Variants in SH3GL3 observed in about 807,000 individuals in gnomAD.
The protein encoded by SH3GL3 is SH3 domain containing GRB2 like 3, endophilin A3, also known as endophilin-A3.
Under a neutral mutation model 47.7 loss-of-function variants are expected in SH3GL3, and 33 were observed. That is an observed-to-expected ratio of 0.69 (90% CI 0.52 to 0.92). The LOEUF is 0.92. Ranked by LOEUF, SH3GL3 falls within the 40% of genes least tolerant of loss-of-function variation. The pLI, the probability that SH3GL3 is intolerant of heterozygous loss-of-function variation, is 0.00. For missense variants in SH3GL3, 363 were observed against 417.8 expected, an observed-to-expected ratio of 0.87 and a Z score of 1.14; for synonymous variants, 155 against 148.8, an observed-to-expected ratio of 1.04 and a Z score of -0.30.
intron 2 of SH3GL3, among the ~76,000 whole-genome samples, chr15:83,560,830 AAT>A (rs2045232618): frequency 6.6e-6 from 1 of 152,208 alleles, no homozygotes; most frequent in Admixed American, 6.5e-5. Context: ...ACCATATAAA[AAT>A]AGAGGAACAA....
intron 6 of SH3GL3, among the ~76,000 whole-genome samples, chr15:83,583,241 C>T (rs532913764): frequency 2.9e-4 from 44 of 152,318 alleles, no homozygotes; most frequent in African/African-American, 9.4e-4. Context: ...AGTTCTCTCT[C>T]TGTCCTCGCC....
intron 1 of SH3GL3, among the ~76,000 whole-genome samples, chr15:83,496,939 G>A (rs939602194): frequency 6.6e-6 from 1 of 151,814 alleles, no homozygotes; most frequent in Admixed American, 6.6e-5. Context: ...TTCCTTTCCT[G>A]CCTGCCCAGA....
chr15:83,456,457 C>T (rs1381097666), intron 1 of SH3GL3, among the ~76,000 whole-genome samples: 1 of 63,968 alleles, frequency 1.6e-5, no homozygotes, highest in African/African-American at 5.2e-5. Context: ...TAGCAATCAG[C>T]GCGATTCCGT....
chr15:83,540,922 C>G (rs770169867), intron 1 of SH3GL3, among the ~76,000 whole-genome samples: 1 of 152,128 alleles, frequency 6.6e-6, no homozygotes, highest in Non-Finnish European at 1.5e-5. Flanking sequence ...TTAACCATCC[C>G]GATTCCCTCT....
Position 83,568,685 on chromosome 15 carries a change from G to T in SH3GL3, c.331+13G>T, listed in dbSNP as rs12905724. On this transcript the variant is annotated intron_variant, in intron 4 of 8. Transcript: ENST00000427482. ...GACTCCACCTTTGGTGAGTTATTCA[G>T]AGATCAGCTGGGGGAGCTGAGAACT... 6.2e-7 allele frequency: 1 copy of T among 1,610,304 alleles called. No homozygotes were observed. Among genetic ancestry groups the T allele is most frequent in the South Asian group, 1.1e-5 (1 of 90,950 alleles).
chr15:83,490,024 A>T (rs910617484), intron 1 of SH3GL3, among the ~76,000 whole-genome samples: 4 of 152,208 alleles, frequency 2.6e-5, no homozygotes, highest in African/African-American at 9.7e-5. Context: ...TGGCCTGGGC[A>T]TTTTTGCCAG....
intron 1 of SH3GL3, among the ~76,000 whole-genome samples, chr15:83,512,321 T>C (rs1596148011): frequency 6.6e-6 from 1 of 152,282 alleles, no homozygotes; most frequent in East Asian, 1.9e-4. Context: ...CTTAATACTC[T>C]TTTCATTTGC....
chr15:83,486,889 CAGAGAG>C (rs113903621), intron 1 of SH3GL3, among the ~76,000 whole-genome samples: 4 of 149,738 alleles, frequency 2.7e-5, no homozygotes, highest in African/African-American at 9.8e-5. Flanking sequence ...CTTCACATGG[CAGAGAG>C]AGAGAGAGAG....
At chr15:83,481,360 A>T (rs575904065) in intron 1 of SH3GL3, among the ~76,000 whole-genome samples, 2 of 152,246 alleles carry the variant, frequency 1.3e-5, no homozygotes, top group South Asian at 4.1e-4. Context: ...TTGTTTTCCA[A>T]CAGATGGCTT....
At chr15:83,524,800 A>G (rs759141659) in intron 1 of SH3GL3, among the ~76,000 whole-genome samples, 1 of 152,068 alleles carries the variant, frequency 6.6e-6, no homozygotes, top group Non-Finnish European at 1.5e-5. Flanking sequence ...TACTTGACAT[A>G]ATGACCTCCA....
chr15:83,612,313 G>A (rs1240419407), intron 8 of SH3GL3, among the ~76,000 whole-genome samples: 2 of 152,218 alleles, frequency 1.3e-5, no homozygotes. Flanking sequence ...TTCCACAGCT[G>A]AGGTGACTCG....
At chr15:83,516,987 C>T (rs1425365173) in intron 1 of SH3GL3, among the ~76,000 whole-genome samples, 4 of 151,800 alleles carry the variant, frequency 2.6e-5, no homozygotes. Context: ...CATTGTATAA[C>T]TATACCATAC....
At chr15:83,512,823 T>C (rs2042824157) in intron 1 of SH3GL3, among the ~76,000 whole-genome samples, 2 of 152,102 alleles carry the variant, frequency 1.3e-5, no homozygotes, top group Admixed American at 6.5e-5. Context: ...CCGGATGAGG[T>C]GCTATTCTGC....
intron 1 of SH3GL3, among the ~76,000 whole-genome samples, chr15:83,499,407 AAAAAGAAAGGCACTTAT>A (rs2042209146): frequency 1.3e-5 from 2 of 151,846 alleles, no homozygotes; most frequent in Middle Eastern, 3.2e-3. Flanking sequence ...AAAAAAAAAA[AAAAAGAAAGGCACTTAT>A]CTTTGAACAG....
chr15:83,485,588 A>G (rs150990052), intron 1 of SH3GL3, among the ~76,000 whole-genome samples: 1,734 of 152,248 alleles, frequency 0.011, 17 homozygotes, highest in Non-Finnish European at 0.015. Context: ...GGCTCAAGCA[A>G]TCCTCCTGCC....
At chr15:83,458,350 A>G (rs1596009601) in intron 1 of SH3GL3, among the ~76,000 whole-genome samples, 2 of 152,228 alleles carry the variant, frequency 1.3e-5, no homozygotes, top group Admixed American at 1.3e-4. Context: ...CAATGTTTTT[A>G]CCACACACAG....
chr15:83,588,229 C>T (rs2060002436), intron 7 of SH3GL3, among the ~76,000 whole-genome samples: 1 of 152,216 alleles, frequency 6.6e-6, no homozygotes, highest in African/African-American at 2.4e-5. Context: ...CTTCCAGTTT[C>T]AAGAGATTCT....
intron 1 of SH3GL3, among the ~76,000 whole-genome samples, chr15:83,496,948 G>A (rs991120036): frequency 1.6e-4 from 24 of 152,056 alleles, no homozygotes; most frequent in Admixed American, 9.8e-4. Context: ...TGCCTGCCCA[G>A]ATCCCATGCA....
At chr15:83,531,838 CTG>C (rs1491472662) in intron 1 of SH3GL3, among the ~76,000 whole-genome samples, 7 of 150,658 alleles carry the variant, frequency 4.6e-5, no homozygotes. Context: ...GTGTGTGTGT[CTG>C]AGAGAGAGAG....
Sources: allele counts gnomAD v4.1 joint callset (sites outside exome capture counted in the v4.1 genomes callset), GRCh38; gene constraint gnomAD v4.1.1; transcripts MANE v1.5; gene names NCBI Gene and HGNC (gene_info 2026-07-23, HGNC 2026-07-21).